The following AP4E1 variants were observed in gnomAD, a reference collection of about 807,000 sequenced individuals.
AP4E1 encodes adaptor related protein complex 4 subunit epsilon 1.
AP4E1 carries 56 observed loss-of-function variants against 128.2 expected under a neutral mutation model. That is an observed-to-expected ratio of 0.44 (90% CI 0.35 to 0.55). The LOEUF is 0.55. Ranked by LOEUF, AP4E1 falls within the 20% of genes least tolerant of loss-of-function variation. The probability of loss-of-function intolerance (pLI) is 0.00; values close to 1 mark genes in which losing one functional copy is unlikely to be tolerated. For synonymous variants in AP4E1, 484 were observed against 473.1 expected (o/e 1.02, Z -0.30); for missense variants, 1,324 against 1,307.7 (o/e 1.01, Z -0.19).
intron 18 of AP4E1, among the ~76,000 whole-genome samples, chr15:50,998,643 C>A (rs1023492672): frequency 6.6e-6 from 1 of 151,906 alleles, no homozygotes; most frequent in Non-Finnish European, 1.5e-5. Flanking sequence ...AAAAAAGAAT[C>A]ATCTGTGGAA....
chr15:50,980,320 C>T (rs912860997), intron 15 of AP4E1, among the ~76,000 whole-genome samples: 1 of 152,036 alleles, frequency 6.6e-6, no homozygotes, highest in Admixed American at 6.6e-5. Context: ...TTATGGAAGA[C>T]AGAATTTAAG....
chr15:50,945,962 C>T (rs1208603047), intron 10 of AP4E1: 8 of 1,294,972 alleles, frequency 6.2e-6, no homozygotes, highest in African/African-American at 1.5e-5. Context: ...CCAATTGTGT[C>T]AGAGAAGAAG....
intron 1 of AP4E1, among the ~76,000 whole-genome samples, chr15:50,909,520 G>T (rs950618228): frequency 5.3e-5 from 8 of 152,176 alleles, no homozygotes; most frequent in African/African-American, 1.9e-4. Flanking sequence ...TGTAAAATTT[G>T]CTAAGTCTCT....
Position 50,915,410 on chromosome 15 carries a change from T to C in AP4E1, c.223-38T>C, listed in dbSNP as rs763287085. Reference sequence around the variant, plus strand: ...CATAGTTAAAACAATCTAAATATTCTGTTTATTTATACAGCTACTGGATAT... The same window carrying C: ...CATAGTTAAAACAATCTAAATATTCCGTTTATTTATACAGCTACTGGATAT... On this transcript the variant is annotated intron_variant, in intron 2 of 20. Coordinates refer to ENST00000261842, the MANE Select transcript of AP4E1 (RefSeq NM_007347.5). 4.4e-6 allele frequency: 7 copies of C among 1,592,532 alleles called. No homozygotes were observed. The African/African-American group carries it at 6.7e-5, about 15-fold the overall frequency.
intron 14 of AP4E1, among the ~76,000 whole-genome samples, chr15:50,961,740 G>A (rs913887796): frequency 1.3e-5 from 2 of 152,046 alleles, no homozygotes; most frequent in Admixed American, 1.3e-4. Context: ...CATAGTACTG[G>A]AAGTCCTAGC....
intron 6 of AP4E1, among the ~76,000 whole-genome samples, 168 bp downstream of exon 6, chr15:50,929,336 G>C (rs1355220984): frequency 6.6e-6 from 1 of 151,480 alleles, no homozygotes; most frequent in Non-Finnish European, 1.5e-5. Flanking sequence ...TGAGTTGTAG[G>C]CACATTACAG....
At chr15:50,995,629 G>A (rs369087484) in intron 17 of AP4E1, among the ~76,000 whole-genome samples, 2 of 151,956 alleles carry the variant, frequency 1.3e-5, no homozygotes, top group South Asian at 4.2e-4. Flanking sequence ...CAAGTGATTC[G>A]CCTCCCTTGG....
Position 51,003,033 on chromosome 15 carries a change from G to T in AP4E1, c.*371G>T. 4.7e-6 allele frequency: 1 copy of T among 211,694 alleles called. No individual in the cohort carries two copies. Among genetic ancestry groups the T allele is most frequent in the South Asian group, 7.4e-5 (1 of 13,424 alleles). 13.1% of individuals were successfully genotyped at this position (211,694 alleles called of 1,614,324 possible). A position where few individuals can be genotyped will look rare whatever the true frequency, so the allele number is the denominator to read the frequency against. ...TAATAAAGCCAAGTCTCAGTTTTCT[G>T]CATTAAATGGAAGGGAGACATGAAA... On this transcript the variant is annotated 3_prime_UTR_variant, in exon 21 of 21. Transcript: ENST00000261842.
At chr15:50,995,048 A>G (rs2064850450) in intron 17 of AP4E1, among the ~76,000 whole-genome samples, 1 of 152,170 alleles carries the variant, frequency 6.6e-6, no homozygotes, top group African/African-American at 2.4e-5. Flanking sequence ...TTAGATGCAT[A>G]AAGAAGGAGG....
chr15:51,002,719 A>G lies in AP4E1; in HGVS notation c.*57A>G. The G allele has an allele frequency of 1.9e-6, 3 of 1,599,760 alleles. No homozygotes were observed. The highest frequency in any genetic ancestry group is 2.6e-6 in the Non-Finnish European group (3 of 1,169,336). The stretch of plus-strand genomic sequence containing the variant: ...ATCAATGGTTTACATAGATAAACTT[A>G]TTTACCAAAGTAAAAAGAACTCATG... On this transcript the variant is annotated 3_prime_UTR_variant, in exon 21 of 21. Transcript: ENST00000261842.
At chr15:50,945,815 C>T (rs533861790) in intron 10 of AP4E1, 3 of 772,108 alleles carry the variant, frequency 3.9e-6, no homozygotes, top group Non-Finnish European at 7.1e-6. Flanking sequence ...CAGCATCATC[C>T]TGATATAAAA....
At position 51,001,139 on chromosome 15, in the gene AP4E1, A is replaced by C; in HGVS notation, c.3209A>C (p.Lys1070Thr). The C allele has an allele frequency of 1.2e-6, 2 of 1,613,732 alleles. No individual in the cohort carries two copies. The highest frequency in any genetic ancestry group is 1.7e-6 in the Non-Finnish European group (2 of 1,179,782). Residue 1070 changes from lysine (K) to threonine (T), a missense_variant, in exon 20 of 21, where the codon AAG (lysine) becomes ACG (threonine). Lys to Thr is a moderately conservative substitution (Grantham distance 78). Coordinates refer to ENST00000261842, the MANE Select transcript of AP4E1 (RefSeq NM_007347.5). ...CAAGCTGCACTTCCTTCTGCACTAA[A>C]GACTCTGCAACAGAAACTAAGACTC... ...ESQAALPSAL[K>T]TLQQKLRLHI...
Position 50,912,139 on chromosome 15 carries a change from C to T in AP4E1, c.212C>T (p.Thr71Ile), listed in dbSNP as rs755540057. 5 of 1,613,822 alleles carry T rather than the reference C, an allele frequency of 3.1e-6. No individual in the cohort carries two copies. Among genetic ancestry groups the T allele is most frequent in the Non-Finnish European group, 4.2e-6 (5 of 1,179,830 alleles). ...CTGAAAGCGACTGTTTCTGCTCCTACTACAACACTGGTAGGTTTGCATAGT... is the reference window on the plus strand; with the variant it reads ...CTGAAAGCGACTGTTTCTGCTCCTATTACAACACTGGTAGGTTTGCATAGT... ...SSLKATVSAP[T>I]TTLKMMKECM... The change falls in exon 2 of 21, where the codon ACT becomes ATT. Residue 71 changes from threonine to isoleucine, a missense_variant. Physicochemically the swap from Thr to Ile is moderately conservative, Grantham distance 89. Coordinates refer to ENST00000261842, the MANE Select transcript of AP4E1 (RefSeq NM_007347.5).
chr15:50,979,097 A>G (rs1488895689), intron 15 of AP4E1, among the ~76,000 whole-genome samples: 1 of 152,006 alleles, frequency 6.6e-6, no homozygotes, highest in African/African-American at 2.4e-5. Flanking sequence ...TTTTTGGTTT[A>G]AACTCTTTAT....
intron 2 of AP4E1, 125 bp from the exon 3 acceptor site, chr15:50,915,323 G>C: frequency 1.0e-6 from 1 of 984,094 alleles, no homozygotes; most frequent in Non-Finnish European, 1.5e-6. Context: ...TGATTAATTT[G>C]TAATATATAT....
chr15:50,915,919 T>A, intron 3 of AP4E1: 1 of 227,794 alleles, frequency 4.4e-6, no homozygotes, highest in East Asian at 1.2e-4. Context: ...TATATGTCTA[T>A]AAAGAGCTCT....
intron 3 of AP4E1, among the ~76,000 whole-genome samples, chr15:50,920,078 A>C (rs1174478720): frequency 5.8e-4 from 86 of 147,374 alleles, no homozygotes; most frequent in South Asian, 1.5e-3. Context: ...ATATGTCTAA[A>C]AAAAAAAAAA....
At position 50,999,120 on chromosome 15, in the gene AP4E1, A is replaced by G. The variant is rs200469310; in HGVS notation, c.2953A>G (p.Thr985Ala). Residue 985 changes from threonine (T) to alanine (A), a missense_variant, in exon 19 of 21, where the codon ACC becomes GCC. By Grantham distance (58) the Thr-to-Ala change is moderately conservative. Transcript: ENST00000261842. Reference sequence around the variant, plus strand: ...TTTGCCTGTAATGGAAGCAGAAAGCACCAAAAGCTTTCAATATAGTGTGCA... The same window carrying G: ...TTTGCCTGTAATGGAAGCAGAAAGCGCCAAAAGCTTTCAATATAGTGTGCA... Reference protein sequence around the residue: ...CCLPVMEAESTKSFQYSVQIE... With the variant: ...CCLPVMEAESAKSFQYSVQIE... The G allele has an allele frequency of 1.9e-6, 3 of 1,614,042 alleles. No individual in the cohort carries two copies. The African/African-American group carries it at 4.0e-5, about 22-fold the overall frequency.
intron 10 of AP4E1, chr15:50,945,979 G>A: frequency 7.7e-6 from 9 of 1,169,016 alleles, no homozygotes; most frequent in South Asian, 6.3e-5. Flanking sequence ...GAAGAAACAT[G>A]TAGGGGCAGT....
Sources: gnomAD v4.1 joint callset for allele counts (sites outside exome capture counted in the v4.1 genomes callset) on GRCh38, gnomAD v4.1.1 for gene constraint, MANE v1.5 for transcripts, NCBI Gene and HGNC (gene_info 2026-07-23, HGNC 2026-07-21) for gene names.